NPC1: variants seen among roughly 807,000 people sequenced by gnomAD.
NPC1 encodes NPC intracellular cholesterol transporter 1, also known as Niemann-Pick C1 protein.
A neutral mutation model predicts 140.4 loss-of-function variants in NPC1; 85 were observed. The observed-to-expected ratio is 0.61, with a 90% CI of 0.51 to 0.72. The LOEUF is 0.72. NPC1 is among the 30% of genes least tolerant of loss of function. NPC1 has a pLI of 0.00. For missense variants in NPC1, 1,504 were observed against 1,623.8 expected (o/e 0.93, Z 1.27); for synonymous variants, 656 against 624.8 (o/e 1.05, Z -0.74).
intron 1 of NPC1, among the ~76,000 whole-genome samples, chr18:23,577,580 G>A (rs2059303013): frequency 6.6e-6 from 1 of 152,176 alleles, no homozygotes; most frequent in Non-Finnish European, 1.5e-5. Flanking sequence ...AGTGGATCCC[G>A]CACCGGGGCT....
downstream of NPC1, chr18:23,529,908 A>G: frequency 9.0e-7 from 1 of 1,112,874 alleles, no homozygotes; most frequent in South Asian, 1.4e-5. Context: ...TGACGAAACC[A>G]CTTCTTGTAA....
downstream of NPC1, chr18:23,526,797 C>G (rs1022900085): frequency 3.1e-6 from 5 of 1,609,888 alleles, no homozygotes; most frequent in African/African-American, 1.3e-5. Context: ...TGCTCTGATT[C>G]CAGTGTGAGG....
At chr18:23,526,431 G>A (rs1393229769), downstream of NPC1, among the ~76,000 whole-genome samples, 1 of 152,176 alleles carries the variant, frequency 6.6e-6, no homozygotes, top group Non-Finnish European at 1.5e-5. Flanking sequence ...TGGTTGGGCT[G>A]TCATCCTCCT....
intron 18 of NPC1, 36 bp from the exon 19 acceptor site, chr18:23,539,506 C>T: frequency 1.4e-6 from 2 of 1,417,744 alleles, no homozygotes; most frequent in Non-Finnish European, 2.0e-6. Flanking sequence ...ACCTGCTCCA[C>T]AGGGAGGAAG....
At chr18:23,578,477 T>C (rs912632275) in intron 1 of NPC1, among the ~76,000 whole-genome samples, 2 of 152,224 alleles carry the variant, frequency 1.3e-5, no homozygotes, top group African/African-American at 4.8e-5. Flanking sequence ...CAATGGGAGC[T>C]GCTCAGCCTT....
intron 2 of NPC1, 38 bp from the exon 3 acceptor site, chr18:23,572,218 CAGTT>C (rs750805309): frequency 7.1e-6 from 10 of 1,404,030 alleles, no homozygotes; most frequent in Admixed American, 1.7e-5. Context: ...GAGTAGGCAA[CAGTT>C]AGAGTAAGGT....
At position 23,556,482 on chromosome 18, in the gene NPC1, C is replaced by T; in HGVS notation, c.1087G>A (p.Ala363Thr). ...ACAAACACCAGGCCTGACGAACACG[C>T]AGTAATGAAGACCAGCGAGAAGAAA... ...VIFFSLVFIT[A>T]CSSGLVFVRV... Residue 363 changes from alanine (A) to threonine (T), a missense_variant, in exon 8 of 25, where the codon GCG (alanine) becomes ACG (threonine). Coordinates refer to ENST00000269228, the MANE Select transcript of NPC1 (RefSeq NM_000271.5). The T allele has an allele frequency of 1.9e-6, 3 of 1,614,128 alleles. No individual in the cohort carries two copies. The highest frequency in any genetic ancestry group is 2.5e-6 in the Non-Finnish European group (3 of 1,180,030).
At chr18:23,514,626 A>G (rs73390279) in intron 3 of NPC1, among the ~76,000 whole-genome samples, 3,710 of 152,224 alleles carry the variant, frequency 0.024, 117 homozygotes, top group African/African-American at 0.085. Flanking sequence ...TTCCATACAC[A>G]CAGAAATAGA....
chr18:23,550,482 T>TTC (rs1226848427), intron 10 of NPC1, among the ~76,000 whole-genome samples: 1 of 96,614 alleles, frequency 1.0e-5, no homozygotes, highest in Non-Finnish European at 2.0e-5. Context: ...TACATTTCTT[T>TTC]TTTTTTTTTT....
intron 1 of NPC1, among the ~76,000 whole-genome samples, chr18:23,575,804 T>G (rs1464503842): frequency 2.3e-5 from 3 of 128,652 alleles, no homozygotes; most frequent in South Asian, 2.5e-4. Context: ...AAAGTCATCC[T>G]GGCTGGAAGT....
Position 23,531,448 on chromosome 18 carries a change from C to G in NPC1, c.*754G>C. ...AAGGACAGGTTAGATAGAATCTCTTCCATTTAGCTTTTGTATTTGTCTCTC... is the reference window on the plus strand; with the variant it reads ...AAGGACAGGTTAGATAGAATCTCTTGCATTTAGCTTTTGTATTTGTCTCTC... On this transcript the variant is annotated 3_prime_UTR_variant, in exon 25 of 25. Coordinates refer to ENST00000269228, the MANE Select transcript of NPC1 (RefSeq NM_000271.5). 7.7e-7 allele frequency: 1 copy of G among 1,302,574 alleles called. No individual in the cohort carries two copies. The highest frequency in any genetic ancestry group is 1.7e-5 in the South Asian group (1 of 60,176). 80.7% of individuals were successfully genotyped at this position (1,302,574 alleles called of 1,614,324 possible). A position where few individuals can be genotyped will look rare whatever the true frequency, so the allele number is the denominator to read the frequency against.
intron 18 of NPC1, 32 bp downstream of exon 18, chr18:23,539,779 G>C (rs1290536312): frequency 1.9e-6 from 3 of 1,608,248 alleles, no homozygotes; most frequent in Non-Finnish European, 2.6e-6. Flanking sequence ...CTCCTCCGCT[G>C]CTTCTGAAGT....
At position 23,544,950 on chromosome 18, in the gene NPC1, C is replaced by CCCCT. The variant is rs772150994; in HGVS notation, c.1947+9_1947+10insAGGG. Reference sequence around the variant, plus strand: ...ACCTCTAGAACATACACCACCCCCCCCCGGCTTACCAGAAGCCTGCGACAG... The same window carrying CCCCT: ...ACCTCTAGAACATACACCACCCCCCCCCCTCCGGCTTACCAGAAGCCTGCGACAG... On this transcript the variant is annotated intron_variant, in intron 12 of 24. Transcript: ENST00000269228. The CCCCT allele has an allele frequency of 1.0e-4, 142 of 1,415,872 alleles. 2 individuals carry two copies. In the Admixed American group the frequency reaches 2.4e-3, roughly 23 times the overall value. The allele number at this position is 1,415,872 out of a possible 1,614,324, so 87.7% of individuals were successfully genotyped here. A position where few individuals can be genotyped will look rare whatever the true frequency, so the allele number is the denominator to read the frequency against.
chr18:23,545,018 A>G lies in NPC1; in HGVS notation c.1889T>C (p.Ile630Thr), dbSNP rs780762056. 3.1e-6 allele frequency: 5 copies of G among 1,598,630 alleles called. No homozygotes were observed. The highest frequency in any genetic ancestry group is 4.3e-6 in the Non-Finnish European group (5 of 1,171,214). The change falls in exon 12 of 25, where the codon ATC (isoleucine) becomes ACC (threonine). Residue 630 changes from isoleucine (I) to threonine (T), a missense_variant. By Grantham distance (89) the Ile-to-Thr change is moderately conservative (BLOSUM62 -1). Coordinates refer to ENST00000269228, the MANE Select transcript of NPC1 (RefSeq NM_000271.5). Reference protein sequence around the residue: ...DVFTVVISYAIMFLYISLALG... With the variant: ...DVFTVVISYATMFLYISLALG... Reference sequence around the variant, plus strand: ...GGCTAGGGAAATATATAGAAACATGATGGCATAGCTAATTACAACGGTGAA... The same window carrying G: ...GGCTAGGGAAATATATAGAAACATGGTGGCATAGCTAATTACAACGGTGAA...
At chr18:23,523,543 CAAAAAAAAAAAAAA>C (rs374224848) in intron 1 of NPC1, among the ~76,000 whole-genome samples, 18 of 76,404 alleles carry the variant, frequency 2.4e-4, no homozygotes, top group Non-Finnish European at 2.6e-4. Flanking sequence ...CTTGTCTTCA[CAAAAAAAAAAAAAA>C]AAAAAAAAAA....
chr18:23,559,622 C>A (rs1229586509), intron 6 of NPC1, among the ~76,000 whole-genome samples: 1 of 150,018 alleles, frequency 6.7e-6, no homozygotes, highest in Non-Finnish European at 1.5e-5. Context: ...CAGGTGTGAG[C>A]CACTGAGCCT....
chr18:23,532,921 T>C (rs764491661), intron 24 of NPC1: 18 of 985,168 alleles, frequency 1.8e-5, no homozygotes, highest in Non-Finnish European at 2.2e-5. Flanking sequence ...TCAAGGACAG[T>C]CTCGAGATGA....
chr18:23,554,573 T>C (rs2058921533), intron 9 of NPC1, among the ~76,000 whole-genome samples, 185 bp downstream of exon 9: 1 of 148,748 alleles, frequency 6.7e-6, no homozygotes, highest in African/African-American at 2.5e-5. Flanking sequence ...GCCACTGCAC[T>C]CCAGCCTGGG....
rs769516923 is a variant in NPC1 at position 23,544,348 on chromosome 18, T to A, written c.2126A>T (p.Tyr709Phe). ...VDNIFILVQA[Y>F]QRDERLQGET... ...TGTGAGAATATGGAAGTATACCTGG[T>A]AGGCCTGCACCAGAATGAAGATGTT... The change falls in exon 13 of 25, where the codon TAC becomes TTC. Residue 709 changes from tyrosine to phenylalanine, a missense_variant. Tyr to Phe is a conservative substitution (Grantham distance 22). Transcript: ENST00000269228. 9.3e-6 allele frequency: 15 copies of A among 1,613,934 alleles called. No homozygotes were observed. The African/African-American group carries it at 2.0e-4, about 22-fold the overall frequency.
Sources: gnomAD v4.1 joint callset for allele counts (sites outside exome capture counted in the v4.1 genomes callset) on GRCh38, gnomAD v4.1.1 for gene constraint, MANE v1.5 for transcripts, NCBI Gene and HGNC (gene_info 2026-07-23, HGNC 2026-07-21) for gene names.